The following ERF variants were observed in gnomAD, a reference collection of about 807,000 sequenced individuals.
The protein encoded by ERF is ETS domain-containing transcription factor ERF.
Under a neutral mutation model 41.6 loss-of-function variants are expected in ERF, and 10 were observed. The observed-to-expected ratio is 0.24, with a 90% confidence interval of 0.15 to 0.41. The LOEUF (loss-of-function observed/expected upper bound fraction) is 0.41, where lower values mean the gene tolerates loss of function less well. ERF is among the 10% of genes least tolerant of loss of function. ERF has a pLI of 1.00. For missense variants in ERF, 621 were observed against 763.2 expected (o/e 0.81, Z 2.19); for synonymous variants, 395 against 342.4 (o/e 1.15, Z -1.70).
In ERF at chr19:42,250,932, G is replaced by GC. The variant is rs2036434852; in HGVS notation, c.23-368dup. Among the ~76,000 whole-genome samples the GC allele has an allele frequency of 1.3e-5, 2 of 152,070 alleles. No homozygotes were observed. Among genetic ancestry groups the GC allele is most frequent in the African/African-American group, 2.4e-5 (1 of 41,394 alleles). ...ACGTGGCCAGCCGGGTTGGGGTACA[G>GC]CCCCCCAGCTTACCCCCACTCCCAT... On this transcript the variant is annotated intron_variant, in intron 1 of 3. Transcript: ENST00000222329. The surrounding 1 kb of genome is among the most constrained non-coding windows in gnomAD (Gnocchi z 5.1).
In ERF at chr19:42,250,761, G is replaced by A. The variant is rs1404322831; in HGVS notation, c.23-196C>T. Among the ~76,000 whole-genome samples the A allele has an allele frequency of 6.6e-6, 1 of 152,230 alleles. No individual in the cohort carries two copies. Among genetic ancestry groups the A allele is most frequent in the Non-Finnish European group, 1.5e-5 (1 of 68,038 alleles). On this transcript the variant is annotated intron_variant, in intron 1 of 3. Transcript: ENST00000222329. The surrounding 1 kb of genome is among the most constrained non-coding windows in gnomAD (Gnocchi z 5.1). ...GTGAGGGGCTAGACAGGAGCTGGGGGGGAGGGGAAGCTGGAGCCCGCTCCA... is the reference window on the plus strand; with the variant it reads ...GTGAGGGGCTAGACAGGAGCTGGGGAGGAGGGGAAGCTGGAGCCCGCTCCA...
rs771103636 is a variant in ERF at position 42,249,349 on chromosome 19, C to T, written c.763G>A (p.Gly255Ser). The part of the protein sequence containing the change: ...LSPFPVSPLA[G>S]PGSLLPPQLS... ...TGAGGGGGCAGCAGGGATCCAGGAC[C>T]GGCCAGAGGCGACACAGGGAAGGGG... is the stretch of plus-strand genomic sequence containing the variant. Residue 255 changes from glycine (G) to serine (S), a missense_variant, in exon 4 of 4, where the codon GGT becomes AGT. Transcript: ENST00000222329. The surrounding 1 kb of genome is among the most constrained non-coding windows in gnomAD (Gnocchi z 8.6). The T allele has an allele frequency of 7.6e-6, 12 of 1,576,882 alleles. No individual in the cohort carries two copies. Among genetic ancestry groups the T allele is most frequent in the South Asian group, 1.1e-5 (1 of 87,076 alleles).
At position 42,250,528 on chromosome 19, in the gene ERF, C is replaced by T. The variant is rs538509042; in HGVS notation, c.60G>A (p.Ser20=). The T allele has an allele frequency of 2.7e-5, 44 of 1,613,598 alleles. No homozygotes were observed. The South Asian group carries it at 3.3e-4, about 12-fold the overall frequency. The change falls in exon 2 of 4, where the codon TCG becomes TCA. Residue 20 remains serine, a synonymous_variant. Coordinates refer to ENST00000222329, the MANE Select transcript of ERF (RefSeq NM_006494.4). This position sits in a 1 kb window ranked among gnomAD's most constrained non-coding sequence, Gnocchi z 5.1. The part of the protein sequence containing the change: ...AFPDWAYKPE[S]SPGSRQIQLW... ...GCTGGATCTGCCTTGAGCCAGGGGA[C>T]GACTCTGGCTTGTAGGCCCAATCCG...
chr19:42,253,979 A>C, intron 1 of ERF: 1 of 1,000,628 alleles, frequency 1.0e-6, no homozygotes, highest in Non-Finnish European at 1.2e-6. Context: ...GTAGACGGGC[A>C]GGGGGCGGCT....
chr19:42,253,597 C>A (rs569883583), intron 1 of ERF, among the ~76,000 whole-genome samples: 1 of 152,104 alleles, frequency 6.6e-6, no homozygotes, highest in African/African-American at 2.4e-5. Flanking sequence ...CCCAGCCACC[C>A]GGGAGCGAGT....
Position 42,249,449 on chromosome 19 carries a change from CG to C in ERF, c.662del (p.Pro221ArgfsTer50). 6.3e-7 allele frequency: 1 copy of C among 1,595,088 alleles called. No homozygotes were observed. The highest frequency in any genetic ancestry group is 8.5e-7 in the Non-Finnish European group (1 of 1,171,702). ...CAGGGTCATGGGGCAGGCGGGCCAG[CG>C]GGGGCCCTCGGAAGGCACCCAGATC... ...PPDLGAFRGPPLARLPHDPGV... is the reference protein window; with the variant it reads ...PPDLGAFRGPXLARLPHDPGV... On this transcript the variant is annotated frameshift_variant, in exon 4 of 4. Coordinates refer to ENST00000222329, the MANE Select transcript of ERF (RefSeq NM_006494.4). LOFTEE classifies it high-confidence loss of function. The surrounding 1 kb of genome is among the most constrained non-coding windows in gnomAD (Gnocchi z 8.6).
rs766445497 is a variant in ERF, at chr19:42,249,171, A to C, written c.941T>G (p.Leu314Arg). The C allele has an allele frequency of 6.2e-7, 1 of 1,613,782 alleles. No individual in the cohort carries two copies. The highest frequency in any genetic ancestry group is 1.1e-5 in the South Asian group (1 of 91,076). The part of the protein sequence containing the change: ...SFSPEDMKRY[L>R]QAHTQSVYNY... ...GTAGACGCTTTGGGTGTGGGCCTGCAGGTACCGTTTCATGTCCTCAGGGCT... is the reference window on the plus strand; with the variant it reads ...GTAGACGCTTTGGGTGTGGGCCTGCCGGTACCGTTTCATGTCCTCAGGGCT... Residue 314 changes from leucine (L) to arginine (R), a missense_variant, in exon 4 of 4, where the codon CTG becomes CGG. Leu to Arg is a moderately radical substitution (Grantham distance 102). Coordinates refer to ENST00000222329, the MANE Select transcript of ERF (RefSeq NM_006494.4). This position sits in a 1 kb window ranked among gnomAD's most constrained non-coding sequence, Gnocchi z 8.6.
chr19:42,250,601 G>A lies in ERF; in HGVS notation c.23-36C>T. The A allele has an allele frequency of 6.3e-7, 1 of 1,599,954 alleles. No homozygotes were observed. On this transcript the variant is annotated intron_variant, in intron 1 of 3. Coordinates refer to ENST00000222329, the MANE Select transcript of ERF (RefSeq NM_006494.4). This position sits in a 1 kb window ranked among gnomAD's most constrained non-coding sequence, Gnocchi z 5.1. ...GAGGCAGGGAGTGGCCTGGGGTCAG[G>A]CTGCCAAGTCCAGGGCTCTGGGTCC...
Position 42,250,136 on chromosome 19 carries a change from G to GT in ERF, c.257+194dup. On this transcript the variant is annotated intron_variant, in intron 2 of 3. Coordinates refer to ENST00000222329, the MANE Select transcript of ERF (RefSeq NM_006494.4). The surrounding 1 kb of genome is among the most constrained non-coding windows in gnomAD (Gnocchi z 5.1). ...TAAGGCAGGACTAGAGGATCCACTG[G>GT]TGACTGTAATCTCTCCTCAGGATAC... 1.3e-6 allele frequency: 1 copy of GT among 750,918 alleles called. No homozygotes were observed. The highest frequency in any genetic ancestry group is 2.5e-5 in the Admixed American group (1 of 40,618). The allele number at this position is 750,918 out of a possible 1,614,324, so 46.5% of individuals were successfully genotyped here.
Position 42,247,643 on chromosome 19 carries a change from A to C in ERF, c.*822T>G. 6.8e-6 allele frequency: 1 copy of C among 146,112 alleles called. No individual in the cohort carries two copies. The highest frequency in any genetic ancestry group is 1.5e-5 in the Non-Finnish European group (1 of 66,146). The allele number at this position is 146,112 out of a possible 1,614,324, so 9.1% of individuals were successfully genotyped here. A position where few individuals can be genotyped will look rare whatever the true frequency, so the allele number is the denominator to read the frequency against. Reference sequence around the variant, plus strand: ...TCTACTCCCCCCACCCTCAGTCCCCAATACAGAATAAGGCTTGACCACAGC... The same window carrying C: ...TCTACTCCCCCCACCCTCAGTCCCCCATACAGAATAAGGCTTGACCACAGC... On this transcript the variant is annotated 3_prime_UTR_variant, in exon 4 of 4. Transcript: ENST00000222329.
In ERF at chr19:42,255,071, C is replaced by CCCGCGCCCGTCGGGCCGCCCTCGCCG. The variant is rs2036511061; in HGVS notation, c.-98_-73dup. The CCCGCGCCCGTCGGGCCGCCCTCGCCG allele has an allele frequency of 8.1e-7, 1 of 1,241,858 alleles. No individual in the cohort carries two copies. Among genetic ancestry groups the CCCGCGCCCGTCGGGCCGCCCTCGCCG allele is most frequent in the African/African-American group, 1.6e-5 (1 of 63,626 alleles). 76.9% of individuals were successfully genotyped at this position (1,241,858 alleles called of 1,614,324 possible). A position where few individuals can be genotyped will look rare whatever the true frequency, so the allele number is the denominator to read the frequency against. ...CGGCGCCCTCGCTGCCCCGTCCCGT[C>CCCGCGCCCGTCGGGCCGCCCTCGCCG]CCGCGCCCGTCGGGCCGCCCTCGCC... On this transcript the variant is annotated 5_prime_UTR_variant, in exon 1 of 4. Coordinates refer to ENST00000222329, the MANE Select transcript of ERF (RefSeq NM_006494.4).
chr19:42,253,541 C>T (rs1239826772), intron 1 of ERF, among the ~76,000 whole-genome samples: 1 of 152,134 alleles, frequency 6.6e-6, no homozygotes, highest in African/African-American at 2.4e-5. Context: ...GTCTGGGTGC[C>T]TCGGCCTCCT....
chr19:42,250,449 C>A lies in ERF; in HGVS notation c.139G>T (p.Ala47Ser), dbSNP rs1200813831. ...AATTCCCCGTAGTCCCCCTGCCAGG[C>A]AATGACGCCCTGGTACTCCTCCTTC... ...LRKEEYQGVI[A>S]WQGDYGEFVI... Residue 47 changes from alanine to serine, a missense_variant, in exon 2 of 4, where the codon GCC becomes TCC. Physicochemically the swap from Ala to Ser is moderately conservative, Grantham distance 99. Coordinates refer to ENST00000222329, the MANE Select transcript of ERF (RefSeq NM_006494.4). The surrounding 1 kb of genome is among the most constrained non-coding windows in gnomAD (Gnocchi z 5.1). The A allele has an allele frequency of 3.1e-6, 5 of 1,613,614 alleles. No individual in the cohort carries two copies. Among genetic ancestry groups the A allele is most frequent in the Non-Finnish European group, 4.2e-6 (5 of 1,180,040 alleles).
chr19:42,249,452 G>A lies in ERF; in HGVS notation c.660C>T (p.Pro220=), dbSNP rs746071844. ...GPPDLGAFRG[P]PLARLPHDPG... Reference sequence around the variant, plus strand: ...GGTCATGGGGCAGGCGGGCCAGCGGGGGCCCTCGGAAGGCACCCAGATCCG... The same window carrying A: ...GGTCATGGGGCAGGCGGGCCAGCGGAGGCCCTCGGAAGGCACCCAGATCCG... Residue 220 remains proline (P), a synonymous_variant, in exon 4 of 4, where the codon CCC becomes CCT. Coordinates refer to ENST00000222329, the MANE Select transcript of ERF (RefSeq NM_006494.4). This position sits in a 1 kb window ranked among gnomAD's most constrained non-coding sequence, Gnocchi z 8.6. 9 of 1,598,294 alleles carry A rather than the reference G, an allele frequency of 5.6e-6. No individual in the cohort carries two copies. Among genetic ancestry groups the A allele is most frequent in the Admixed American group, 3.4e-5 (2 of 58,090 alleles).
At chr19:42,253,883 C>T (rs2036489123) in intron 1 of ERF, 1 of 1,083,426 alleles carries the variant, frequency 9.2e-7, no homozygotes, top group Non-Finnish European at 1.1e-6. Context: ...CCGCCGCCGC[C>T]GCCGGGGGAA....
chr19:42,251,584 A>C (rs2036447059), intron 1 of ERF: 1 of 166,656 alleles, frequency 6.0e-6, no homozygotes, highest in Non-Finnish European at 1.2e-5. Context: ...GGGGAGGCAG[A>C]GCAGGGTCCC....
At chr19:42,253,143 G>A (rs1355823778) in intron 1 of ERF, among the ~76,000 whole-genome samples, 1 of 152,164 alleles carries the variant, frequency 6.6e-6, no homozygotes, top group Non-Finnish European at 1.5e-5. Flanking sequence ...TCACGTGACG[G>A]CCCAAACTTT....
rs1473250784 is a variant in ERF at position 42,250,178 on chromosome 19, G to A, written c.257+153C>T. The A allele has an allele frequency of 8.2e-6, 7 of 857,826 alleles. No homozygotes were observed. The highest frequency in any genetic ancestry group is 1.3e-5 in the Non-Finnish European group (7 of 555,366). 53.1% of individuals were successfully genotyped at this position (857,826 alleles called of 1,614,324 possible). On this transcript the variant is annotated intron_variant, in intron 2 of 3. Transcript: ENST00000222329. This position sits in a 1 kb window ranked among gnomAD's most constrained non-coding sequence, Gnocchi z 5.1. ...TCAGGATACGTCTGTGTTACCAAGG[G>A]GCTCAGGGAAGGGCTGGGAGTGGCC... is the stretch of plus-strand genomic sequence containing the variant.
At position 42,250,092 on chromosome 19, in the gene ERF, C is replaced by G; in HGVS notation, c.258-150G>C. 1.2e-6 allele frequency: 1 copy of G among 813,856 alleles called. No homozygotes were observed. 50.4% of individuals were successfully genotyped at this position (813,856 alleles called of 1,614,324 possible). A position where few individuals can be genotyped will look rare whatever the true frequency, so the allele number is the denominator to read the frequency against. On this transcript the variant is annotated intron_variant, in intron 2 of 3. Coordinates refer to ENST00000222329, the MANE Select transcript of ERF (RefSeq NM_006494.4). This position sits in a 1 kb window ranked among gnomAD's most constrained non-coding sequence, Gnocchi z 5.1. ...AAATCAAGTGCCCAGAGGGTGGGTA[C>G]CAGCTCTCTCCTCACATCTAAGGCA...
Sources: gnomAD v4.1 joint callset for allele counts (sites outside exome capture counted in the v4.1 genomes callset) on GRCh38, gnomAD v4.1.1 for gene constraint, Gnocchi (gnomAD v3.1) non-coding constraint, MANE v1.5 for transcripts, NCBI Gene and HGNC (gene_info 2026-07-23, HGNC 2026-07-21) for gene names.